The following SHISA9 variants were observed in gnomAD, a reference collection of about 807,000 sequenced individuals.
SHISA9 encodes protein shisa-9.
Under a neutral mutation model 38.0 loss-of-function variants are expected in SHISA9, and 13 were observed. The ratio of observed to expected loss-of-function variants is 0.34; its 90% CI spans 0.22 to 0.54. The LOEUF (loss-of-function observed/expected upper bound fraction) is 0.54. Ranked by LOEUF, SHISA9 falls within the 20% of genes least tolerant of loss-of-function variation. SHISA9 has a pLI of 0.91. For missense variants in SHISA9, 538 were observed against 575.8 expected (o/e 0.93, Z 0.67); for synonymous variants, 275 against 242.0 (o/e 1.14, Z -1.27).
At chr16:13,504,375 A>T in the SHISA9 span, among the ~76,000 whole-genome samples, 1 of 152,196 alleles carries the variant, frequency 6.6e-6, no homozygotes, top group Non-Finnish European at 1.5e-5. Context: ...TCCAAAACCC[A>T]TAAGGTCCCT....
chr16:13,202,398 C>T (rs1394874818), intron 2 of SHISA9, among the ~76,000 whole-genome samples: 2 of 132,664 alleles, frequency 1.5e-5, no homozygotes, highest in Non-Finnish European at 3.3e-5. Flanking sequence ...CTCAGAAAAA[C>T]CTTCCTGAAT....
intron 2 of SHISA9, among the ~76,000 whole-genome samples, chr16:13,104,833 T>C (rs2073911049): frequency 6.6e-6 from 1 of 152,210 alleles, no homozygotes; most frequent in Admixed American, 6.6e-5. Flanking sequence ...GTGTGAGTTT[T>C]ATGGTATGCA....
chr16:13,544,333 A>G, the SHISA9 span, among the ~76,000 whole-genome samples: 2 of 148,816 alleles, frequency 1.3e-5, no homozygotes, highest in African/African-American at 4.9e-5. Flanking sequence ...CAGTTAATTC[A>G]TGGTACAACC....
chr16:12,936,107 A>G (rs533666793), intron 2 of SHISA9, among the ~76,000 whole-genome samples: 3 of 152,234 alleles, frequency 2.0e-5, no homozygotes, highest in Admixed American at 2.0e-4. Flanking sequence ...GAGTAGATGC[A>G]TCGTCTGATG....
chr16:13,406,446 C>A, the SHISA9 span, among the ~76,000 whole-genome samples: 2 of 152,166 alleles, frequency 1.3e-5, no homozygotes, highest in African/African-American at 4.8e-5. Context: ...GGGGTCCTCT[C>A]TAGAATGTTA....
At chr16:13,049,124 T>C (rs2073219415) in intron 2 of SHISA9, among the ~76,000 whole-genome samples, 1 of 150,964 alleles carries the variant, frequency 6.6e-6, no homozygotes, top group Non-Finnish European at 1.5e-5. Flanking sequence ...ATCCAAAGGC[T>C]TGAGCTGCCA....
chr16:13,148,246 C>A lies in SHISA9; in HGVS notation c.692-55148C>A, dbSNP rs191504989. On this transcript the variant is annotated intron_variant, in intron 2 of 4. Transcript: ENST00000558583. Reference sequence around the variant, plus strand: ...ATGTCCCCGCACACCCGAATATACACAAACACATATTCCCCACGCTCCGTG... The same window carrying A: ...ATGTCCCCGCACACCCGAATATACAAAAACACATATTCCCCACGCTCCGTG... Among the ~76,000 whole-genome samples, 3 of 152,252 alleles carry A rather than the reference C, an allele frequency of 2.0e-5. No individual in the cohort carries two copies. The East Asian group carries it at 5.8e-4, about 29-fold the overall frequency.
intron 2 of SHISA9, among the ~76,000 whole-genome samples, chr16:12,936,647 A>G (rs1410627397): frequency 6.6e-6 from 1 of 152,190 alleles, no homozygotes; most frequent in African/African-American, 2.4e-5. Context: ...AAAGATATGC[A>G]TTTTTCATAT....
At chr16:13,251,785 C>T in the SHISA9 span, among the ~76,000 whole-genome samples, 52 of 152,266 alleles carry the variant, frequency 3.4e-4, 1 homozygote, top group African/African-American at 1.2e-3. Flanking sequence ...GGGGGCAAAC[C>T]AGGCTGACAC....
At chr16:12,919,987 G>A (rs374665158) in intron 2 of SHISA9, among the ~76,000 whole-genome samples, 3 of 152,234 alleles carry the variant, frequency 2.0e-5, no homozygotes, top group South Asian at 2.1e-4. Flanking sequence ...CCTGCACCCC[G>A]ACTTCCCTGA....
intron 2 of SHISA9, among the ~76,000 whole-genome samples, chr16:12,955,511 A>G (rs1247399459): frequency 4.4e-5 from 3 of 68,732 alleles, no homozygotes; most frequent in Non-Finnish European, 1.1e-4. Context: ...TTTATTTATT[A>G]TAGGCCAAAA....
the SHISA9 span, among the ~76,000 whole-genome samples, chr16:13,433,779 C>T: frequency 6.6e-6 from 1 of 152,190 alleles, no homozygotes; most frequent in Non-Finnish European, 1.5e-5. Context: ...AGGATTTGTC[C>T]ACTGACTAAC....
At chr16:13,024,954 G>C (rs966392079) in intron 2 of SHISA9, among the ~76,000 whole-genome samples, 37 of 152,146 alleles carry the variant, frequency 2.4e-4, no homozygotes, top group African/African-American at 8.9e-4. Flanking sequence ...GCTAGTGCAA[G>C]GGGCAGATAT....
chr16:13,077,721 C>G (rs2073599721), intron 2 of SHISA9, among the ~76,000 whole-genome samples: 1 of 152,142 alleles, frequency 6.6e-6, no homozygotes, highest in African/African-American at 2.4e-5. Flanking sequence ...GGCTCAGACC[C>G]TCATTCAGTT....
At chr16:13,158,520 G>T (rs532916999) in intron 2 of SHISA9, among the ~76,000 whole-genome samples, 2 of 152,134 alleles carry the variant, frequency 1.3e-5, no homozygotes, top group Admixed American at 6.5e-5. Flanking sequence ...GGATATTGCC[G>T]CAGTGTTACT....
At chr16:13,361,518 C>T in the SHISA9 span, among the ~76,000 whole-genome samples, 4 of 152,188 alleles carry the variant, frequency 2.6e-5, no homozygotes, top group African/African-American at 9.7e-5. Flanking sequence ...AGAAATGATG[C>T]CTTTTATAAA....
chr16:12,902,682 C>T, intron 1 of SHISA9, 55 bp downstream of exon 1: 7 of 1,451,050 alleles, frequency 4.8e-6, no homozygotes, highest in Non-Finnish European at 6.4e-6. Context: ...CTGCTCTCTC[C>T]TCCCCACCTT....
intron 2 of SHISA9, among the ~76,000 whole-genome samples, chr16:13,179,985 A>G (rs1409005520): frequency 2.0e-5 from 3 of 152,156 alleles, no homozygotes; most frequent in Admixed American, 2.0e-4. Flanking sequence ...ACAATGTGAG[A>G]GAGCTATCAG....
At chr16:12,996,190 T>C (rs2072455101) in intron 2 of SHISA9, among the ~76,000 whole-genome samples, 1 of 152,234 alleles carries the variant, frequency 6.6e-6, no homozygotes, top group Non-Finnish European at 1.5e-5. Flanking sequence ...CTGGCAGATA[T>C]GTTTGATTTG....
Sources: gnomAD v4.1 joint callset for allele counts (sites outside exome capture counted in the v4.1 genomes callset) on GRCh38, gnomAD v4.1.1 for gene constraint, MANE v1.5 for transcripts, NCBI Gene and HGNC (gene_info 2026-07-23, HGNC 2026-07-21) for gene names.